Variants in SLC41A2 observed in about 807,000 individuals in gnomAD.
SLC41A2 encodes SLC41A1-like 1.
A neutral mutation model predicts 58.3 loss-of-function variants in SLC41A2; 32 were observed. The observed-to-expected ratio is 0.55, with a 90% CI of 0.41 to 0.74. The LOEUF (loss-of-function observed/expected upper bound fraction) is 0.74. SLC41A2 is among the 30% of genes least tolerant of loss of function. The pLI, the probability that SLC41A2 is intolerant of heterozygous loss-of-function variation, is 0.00. For synonymous variants in SLC41A2, 190 were observed against 235.0 expected, an observed-to-expected ratio of 0.81 and a Z score of 1.75; for missense variants, 514 against 680.6, an observed-to-expected ratio of 0.76 and a Z score of 2.72.
intron 10 of SLC41A2, among the ~76,000 whole-genome samples, chr12:104,828,124 A>G (rs73183181): frequency 0.041 from 6,185 of 152,278 alleles, 167 homozygotes; most frequent in Middle Eastern, 0.065. Context: ...GGACGTCAAG[A>G]GGAGCACATC....
intron 8 of SLC41A2, among the ~76,000 whole-genome samples, chr12:104,859,435 T>G (rs1241982028): frequency 6.6e-6 from 1 of 152,186 alleles, no homozygotes; most frequent in African/African-American, 2.4e-5. Context: ...GAGTAAGACA[T>G]GCTTGTTATA....
At chr12:104,818,508 A>G (rs1373339774) in intron 10 of SLC41A2, among the ~76,000 whole-genome samples, 1 of 152,186 alleles carries the variant, frequency 6.6e-6, no homozygotes, top group East Asian at 1.9e-4. Flanking sequence ...AGATGCCATA[A>G]ATATGGAGGA....
chr12:104,876,194 CTT>C (rs2044033447), intron 6 of SLC41A2, among the ~76,000 whole-genome samples: 1 of 151,886 alleles, frequency 6.6e-6, no homozygotes, highest in Admixed American at 6.6e-5. Flanking sequence ...CTTTGTCACT[CTT>C]ATATGTTAGA....
In SLC41A2 at chr12:104,886,338, G is replaced by A. The variant is rs1438693669; in HGVS notation, c.982C>T (p.Leu328Phe). 1 of 1,613,628 alleles carries A rather than the reference G, an allele frequency of 6.2e-7. No homozygotes were observed. Among genetic ancestry groups the A allele is most frequent in the East Asian group, 2.2e-5 (1 of 44,848 alleles). Residue 328 changes from leucine (L) to phenylalanine (F), a missense_variant, in exon 6 of 11, where the codon CTT becomes TTT. Physicochemically the swap from Leu to Phe is conservative, Grantham distance 22. Coordinates refer to ENST00000258538, the MANE Select transcript of SLC41A2 (RefSeq NM_001352171.3). The stretch of plus-strand genomic sequence containing the variant: ...TGACTTATCCAAGCCAATATGGCAA[G>A]AGTTATAAGGTCGCCAAAACTAGCA... ...IAASFGDLIT[L>F]AILAWISQGL...
intron 2 of SLC41A2, among the ~76,000 whole-genome samples, chr12:104,915,841 T>A (rs1357162995): frequency 6.6e-6 from 1 of 152,230 alleles, no homozygotes; most frequent in African/African-American, 2.4e-5. Context: ...CATCCCTGTC[T>A]TGTGACACTT....
intron 2 of SLC41A2, among the ~76,000 whole-genome samples, chr12:104,923,133 C>T (rs1238168559): frequency 6.7e-6 from 1 of 149,054 alleles, no homozygotes; most frequent in East Asian, 1.9e-4. Flanking sequence ...GAGGCCGAGG[C>T]GTGTGGGTCA....
At chr12:104,892,379 T>C (rs2045051821) in intron 4 of SLC41A2, among the ~76,000 whole-genome samples, 1 of 151,574 alleles carries the variant, frequency 6.6e-6, no homozygotes, top group Admixed American at 6.6e-5. Flanking sequence ...AGTGTAAAGA[T>C]ATTCTATGTT....
At chr12:104,949,037 A>G (rs1413109689) in intron 1 of SLC41A2, among the ~76,000 whole-genome samples, 2 of 152,018 alleles carry the variant, frequency 1.3e-5, no homozygotes, top group Non-Finnish European at 2.9e-5. Context: ...TCAACATGGA[A>G]AAACCCCATC....
chr12:104,900,957 G>GTT (rs1156309943), intron 3 of SLC41A2, among the ~76,000 whole-genome samples: 4 of 152,154 alleles, frequency 2.6e-5, no homozygotes, highest in Non-Finnish European at 5.9e-5. Flanking sequence ...AACATTTTCT[G>GTT]TTTTGTTCGT....
At chr12:104,851,555 A>T (rs560766103) in intron 8 of SLC41A2, among the ~76,000 whole-genome samples, 57 of 151,902 alleles carry the variant, frequency 3.8e-4, no homozygotes, top group East Asian at 5.8e-4. Flanking sequence ...AGCTAATTTT[A>T]AAAAAAATTT....
intron 10 of SLC41A2, among the ~76,000 whole-genome samples, chr12:104,811,274 CT>C (rs1049003779): frequency 2.6e-5 from 4 of 152,134 alleles, no homozygotes; most frequent in Non-Finnish European, 4.4e-5. Context: ...AAAATTGTAT[CT>C]ATTGACACAG....
At chr12:104,858,840 A>T (rs779260083) in intron 8 of SLC41A2, among the ~76,000 whole-genome samples, 1 of 152,220 alleles carries the variant, frequency 6.6e-6, no homozygotes, top group Non-Finnish European at 1.5e-5. Flanking sequence ...TGAATATCAC[A>T]CAATGCCACA....
intron 1 of SLC41A2, among the ~76,000 whole-genome samples, chr12:104,945,605 A>G (rs1471206083): frequency 2.6e-5 from 4 of 152,366 alleles, no homozygotes; most frequent in African/African-American, 7.2e-5. Flanking sequence ...TAAATTTACT[A>G]TATTTTTTCC....
At chr12:104,820,821 T>C (rs1469314063) in intron 10 of SLC41A2, among the ~76,000 whole-genome samples, 1 of 152,134 alleles carries the variant, frequency 6.6e-6, no homozygotes, top group Non-Finnish European at 1.5e-5. Flanking sequence ...TTTTTCGTAT[T>C]TTTAGTTGAG....
chr12:104,851,547 C>G (rs1288253809), intron 8 of SLC41A2, among the ~76,000 whole-genome samples: 1 of 151,938 alleles, frequency 6.6e-6, no homozygotes, highest in Admixed American at 6.6e-5. Flanking sequence ...CAATGCCTAG[C>G]TAATTTTAAA....
intron 6 of SLC41A2, among the ~76,000 whole-genome samples, chr12:104,876,423 T>C (rs1452755536): frequency 6.6e-6 from 1 of 152,198 alleles, no homozygotes; most frequent in Non-Finnish European, 1.5e-5. Context: ...GAACTGCTTT[T>C]GCTGTGTCCC....
intron 2 of SLC41A2, among the ~76,000 whole-genome samples, chr12:104,917,859 T>G (rs2046399505): frequency 7.0e-6 from 1 of 143,426 alleles, no homozygotes; most frequent in African/African-American, 2.5e-5. Flanking sequence ...CATTAGGAGA[T>G]ATACCTAATG....
intron 3 of SLC41A2, among the ~76,000 whole-genome samples, chr12:104,908,666 A>G (rs2045954815): frequency 2.0e-5 from 3 of 152,252 alleles, no homozygotes; most frequent in Non-Finnish European, 4.4e-5. Flanking sequence ...TTTAACCATA[A>G]CTTGGTTCCA....
chr12:104,814,956 T>TTGTC (rs2041328970), intron 10 of SLC41A2, among the ~76,000 whole-genome samples: 1 of 152,248 alleles, frequency 6.6e-6, no homozygotes, highest in Non-Finnish European at 1.5e-5. Flanking sequence ...AGAAATTTCA[T>TTGTC]TGTCAACTAT....
Sources: gnomAD v4.1 joint callset for allele counts (sites outside exome capture counted in the v4.1 genomes callset) on GRCh38, gnomAD v4.1.1 for gene constraint, MANE v1.5 for transcripts, NCBI Gene and HGNC (gene_info 2026-07-23, HGNC 2026-07-21) for gene names.